The following PPRC1 variants were observed in gnomAD, a reference collection of about 807,000 sequenced individuals.
PPRC1 encodes the protein PPARG related coactivator 1.
A neutral mutation model predicts 132.5 loss-of-function variants in PPRC1; 23 were observed. The ratio of observed to expected loss-of-function variants is 0.17; its 90% CI spans 0.12 to 0.25. PPRC1 has a LOEUF of 0.25. PPRC1 is among the 10% of genes least tolerant of loss of function. The pLI, the probability that PPRC1 is intolerant of heterozygous loss-of-function variation, is 1.00. For missense variants in PPRC1, 2,006 were observed against 2,089.1 expected (o/e 0.96, Z 0.78); for synonymous variants, 872 against 833.5 (o/e 1.05, Z -0.80).
Position 102,141,461 on chromosome 10 carries a change from G to A in PPRC1, c.2953G>A (p.Gly985Ser). ...ATGTACCTATGGGCCCTTGGGATGG[G>A]GCCCAGGGCCTCAACATGCTCCATT... ...STCTYGPLGW[G>S]PGPQHAPFWS... is the part of the protein sequence containing the mutation. Residue 985 changes from glycine to serine, a missense_variant, in exon 5 of 14, where the codon GGC becomes AGC. Gly to Ser is a moderately conservative substitution (Grantham distance 56, BLOSUM62 0). Coordinates refer to ENST00000278070, the MANE Select transcript of PPRC1 (RefSeq NM_015062.5). The A allele has an allele frequency of 6.2e-7, 1 of 1,613,746 alleles. No individual in the cohort carries two copies. The highest frequency in any genetic ancestry group is 8.5e-7 in the Non-Finnish European group (1 of 1,179,966).
chr10:102,142,499 A>G (rs1208746952), intron 5 of PPRC1, among the ~76,000 whole-genome samples: 1 of 108,008 alleles, frequency 9.3e-6, no homozygotes, highest in Non-Finnish European at 1.8e-5. Context: ...GCTCACCGCA[A>G]CCTCCGCCTC....
chr10:102,134,114 C>T (rs747934500), intron 1 of PPRC1, among the ~76,000 whole-genome samples: 1 of 151,848 alleles, frequency 6.6e-6, no homozygotes, highest in Non-Finnish European at 1.5e-5. Context: ...TGCAGTCTTG[C>T]CTTATTAGTG....
upstream of PPRC1, among the ~76,000 whole-genome samples, chr10:102,130,608 G>A (rs2068525814): frequency 6.6e-6 from 1 of 151,794 alleles, no homozygotes; most frequent in African/African-American, 2.4e-5. Flanking sequence ...GGTGGCACAT[G>A]CCTGTAACCC....
At chr10:102,123,555 T>G in the PPRC1 span, among the ~76,000 whole-genome samples, 6 of 152,100 alleles carry the variant, frequency 3.9e-5, no homozygotes, top group Non-Finnish European at 8.8e-5. Context: ...TTAGACGGAG[T>G]CTTGCGCTGT....
At chr10:102,123,648 A>G in the PPRC1 span, among the ~76,000 whole-genome samples, 1 of 151,388 alleles carries the variant, frequency 6.6e-6, no homozygotes, top group Non-Finnish European at 1.5e-5. Context: ...CCTACGCCTC[A>G]GCCTCCTGAG....
chr10:102,131,452 C>G (rs2068541701), upstream of PPRC1, among the ~76,000 whole-genome samples: 1 of 151,212 alleles, frequency 6.6e-6, no homozygotes, highest in African/African-American at 2.4e-5. Context: ...TTTTCATGAA[C>G]ATGTGTGGGG....
At chr10:102,129,025 G>T (rs1191113071), upstream of PPRC1, among the ~76,000 whole-genome samples, 3 of 146,968 alleles carry the variant, frequency 2.0e-5, no homozygotes, top group Non-Finnish European at 3.0e-5. Flanking sequence ...CGCCTCCCGG[G>T]TTCACGCCAT....
At chr10:102,123,224 A>C in the PPRC1 span, among the ~76,000 whole-genome samples, 1 of 152,188 alleles carries the variant, frequency 6.6e-6, no homozygotes, top group Non-Finnish European at 1.5e-5. Flanking sequence ...CAAGCACTTG[A>C]CCCATTGCTC....
At chr10:102,136,339 A>T (rs959651251) in intron 1 of PPRC1, among the ~76,000 whole-genome samples, 2 of 151,826 alleles carry the variant, frequency 1.3e-5, no homozygotes, top group Non-Finnish European at 2.9e-5. Context: ...GGTGTGGAAG[A>T]CACCTGTTGC....
At chr10:102,124,990 C>T in the PPRC1 span, among the ~76,000 whole-genome samples, 1 of 151,998 alleles carries the variant, frequency 6.6e-6, no homozygotes, top group Non-Finnish European at 1.5e-5. Context: ...GCTGTGTTGC[C>T]CAGGCTGGAC....
intron 1 of PPRC1, among the ~76,000 whole-genome samples, chr10:102,136,461 T>C (rs1449139640): frequency 6.6e-6 from 1 of 152,186 alleles, no homozygotes; most frequent in Non-Finnish European, 1.5e-5. Flanking sequence ...TCATGTTTCC[T>C]ATGCGGTAGT....
intron 1 of PPRC1, among the ~76,000 whole-genome samples, chr10:102,134,664 A>G (rs2068656311): frequency 6.6e-6 from 1 of 152,270 alleles, no homozygotes; most frequent in South Asian, 2.1e-4. Context: ...CTTCTCCCCT[A>G]CTTTCTCAGA....
intron 6 of PPRC1, 90 bp downstream of exon 6, chr10:102,143,188 G>C: frequency 7.9e-7 from 1 of 1,272,618 alleles, no homozygotes; most frequent in Non-Finnish European, 1.1e-6. Context: ...TAGGGTGAGA[G>C]GGGACAGCCT....
chr10:102,125,575 A>G, the PPRC1 span, among the ~76,000 whole-genome samples: 21 of 151,950 alleles, frequency 1.4e-4, no homozygotes, highest in South Asian at 3.3e-3. Flanking sequence ...GTATTTTTCA[A>G]TACTAGTCAT....
chr10:102,120,527 A>C, the PPRC1 span: 2 of 292,112 alleles, frequency 6.8e-6, no homozygotes, highest in Non-Finnish European at 1.0e-5. Flanking sequence ...TAATATGCTA[A>C]TTGTCCTGCT....
chr10:102,126,880 A>G, the PPRC1 span, among the ~76,000 whole-genome samples: 1 of 151,834 alleles, frequency 6.6e-6, no homozygotes, highest in African/African-American at 2.4e-5. Flanking sequence ...CATTATTTAC[A>G]AACATCAGTC....
At chr10:102,129,301 A>G (rs542621265), upstream of PPRC1, among the ~76,000 whole-genome samples, 2 of 152,308 alleles carry the variant, frequency 1.3e-5, no homozygotes, top group African/African-American at 4.8e-5. Context: ...AGAAAAGGAC[A>G]AACGATTGGA....
chr10:102,145,782 G>A (rs544773618), intron 8 of PPRC1, among the ~76,000 whole-genome samples: 10 of 151,080 alleles, frequency 6.6e-5, no homozygotes, highest in Admixed American at 2.6e-4. Context: ...GGAGAATAGC[G>A]TGAACCCAGG....
At chr10:102,123,586 G>A in the PPRC1 span, among the ~76,000 whole-genome samples, 82 of 152,180 alleles carry the variant, frequency 5.4e-4, no homozygotes, top group Non-Finnish European at 1.0e-3. Context: ...GGAGTGCAGT[G>A]GTGCAATCTC....
Sources: gnomAD v4.1 joint callset for allele counts (sites outside exome capture counted in the v4.1 genomes callset) on GRCh38, gnomAD v4.1.1 for gene constraint, MANE v1.5 for transcripts, NCBI Gene and HGNC (gene_info 2026-07-23, HGNC 2026-07-21) for gene names.